Variants in ETS2 observed in about 807,000 individuals in gnomAD.
ETS2 encodes protein C-ets-2.
In ETS2, 19 loss-of-function variants were observed where a neutral mutation model predicts 54.9. The observed-to-expected ratio is 0.35, with a 90% CI of 0.24 to 0.51. ETS2 has a LOEUF of 0.51. ETS2 is among the 20% of genes least tolerant of loss of function. The probability of loss-of-function intolerance (pLI) is 0.97; values close to 1 mark genes in which losing one functional copy is unlikely to be tolerated. For synonymous variants in ETS2, 219 were observed against 229.3 expected (o/e 0.95, Z 0.41); for missense variants, 417 against 593.0 (o/e 0.70, Z 3.08).
intron 1 of ETS2, chr21:38,809,655 C>A: frequency 4.9e-6 from 1 of 205,860 alleles, no homozygotes; most frequent in Non-Finnish European, 9.7e-6. Context: ...CCCACTGTAC[C>A]CACCCAAGCA....
rs139909964 is a variant in ETS2 at position 38,813,003 on chromosome 21, C to A, written c.73C>A (p.Arg25Ser). ...VANSYRGTLK[R>S]QPAFDTFDGS... ...ATTTTTTTTCCATCTGTTTTTGCAGCGCCAGCCAGCCTTTGACACCTTTGA... is the reference window on the plus strand; with the variant it reads ...ATTTTTTTTCCATCTGTTTTTGCAGAGCCAGCCAGCCTTTGACACCTTTGA... The change falls in exon 3 of 10, where the codon CGC becomes AGC. Residue 25 changes from arginine (R) to serine (S), a missense_variant and splice_region_variant. Transcript: ENST00000360938. The A allele has an allele frequency of 6.2e-7, 1 of 1,609,030 alleles. No individual in the cohort carries two copies.
In ETS2 at chr21:38,822,730, G is replaced by A. The variant is rs780343210; in HGVS notation, c.1251G>A (p.Leu417=). The A allele has an allele frequency of 1.9e-6, 3 of 1,614,200 alleles. No homozygotes were observed. In the Admixed American group the frequency reaches 5.0e-5, roughly 27 times the overall value. ...KNKPKMNYEK[L]SRGLRYYYDK... ...AGCCCAAGATGAACTACGAGAAGCT[G>A]AGCCGGGGCTTACGCTACTATTACG... is the stretch of plus-strand genomic sequence containing the variant. Residue 417 remains leucine (L), a synonymous_variant, in exon 10 of 10, where the codon CTG becomes CTA. Transcript: ENST00000360938.
chr21:38,808,815 C>G (rs1282223262), intron 1 of ETS2, among the ~76,000 whole-genome samples: 1 of 152,160 alleles, frequency 6.6e-6, no homozygotes, highest in Admixed American at 6.5e-5. Flanking sequence ...GTAAGAGCAC[C>G]CAGTGGAGGC....
intron 2 of ETS2, among the ~76,000 whole-genome samples, chr21:38,810,437 G>A (rs886822808): frequency 2.0e-5 from 3 of 152,168 alleles, no homozygotes. Context: ...TGTCTACCCA[G>A]GAGTTTCCTT....
At position 38,806,134 on chromosome 21, in the gene ETS2, CCGCAGAGAGCGCCCGGCG is replaced by C. The variant is rs1487873927; in HGVS notation, c.-1+18_-1+35del. The C allele has an allele frequency of 3.9e-6, 4 of 1,013,664 alleles. No individual in the cohort carries two copies. The African/African-American group carries it at 5.3e-5, about 13-fold the overall frequency. The allele number at this position is 1,013,664 out of a possible 1,614,324, so 62.8% of individuals were successfully genotyped here. On this transcript the variant is annotated intron_variant, in intron 1 of 9. Transcript: ENST00000360938. This position sits in a 1 kb window ranked among gnomAD's most constrained non-coding sequence, Gnocchi z 4.3. ...CGCAGCGGCAGGGTAAGAGCTGGGC[CCGCAGAGAGCGCCCGGCG>C]CGCGGCTCCAGTCCCATGGAGGGTC...
chr21:38,814,787 G>A lies in ETS2; in HGVS notation c.311G>A (p.Trp104Ter). The A allele has an allele frequency of 6.2e-7, 1 of 1,613,996 alleles. No individual in the cohort carries two copies. Residue 104 changes from tryptophan to a stop codon, truncating the protein, a stop_gained, in exon 5 of 10, where the codon TGG becomes TAG. Coordinates refer to ENST00000360938, the MANE Select transcript of ETS2 (RefSeq NM_005239.6). LOFTEE classifies it high-confidence loss of function. The surrounding 1 kb of genome is among the most constrained non-coding windows in gnomAD (Gnocchi z 4.2). ...TTTTCTTCTCTCCTGGTAGACCCCT[G>A]GCTGTGGAGTGAGCAACAGGTATGC... is the stretch of plus-strand genomic sequence containing the variant. Reference protein sequence around the residue: ...QRRLGIPKNPWLWSEQQVCQW... With the variant: ...QRRLGIPKNP
At chr21:38,807,488 G>A (rs1490900325) in intron 1 of ETS2, among the ~76,000 whole-genome samples, 1 of 148,450 alleles carries the variant, frequency 6.7e-6, no homozygotes, top group East Asian at 2.0e-4. Context: ...TGATTTATGT[G>A]GAAAAACTTG....
At position 38,814,137 on chromosome 21, in the gene ETS2, T is replaced by C; in HGVS notation, c.185-136T>C. ...GTCAGAAAAGTTTTTTGTTAATAGT[T>C]ACACTGTTTTAAGGAATCATGCCAA... On this transcript the variant is annotated intron_variant, in intron 3 of 9. Transcript: ENST00000360938. This position sits in a 1 kb window ranked among gnomAD's most constrained non-coding sequence, Gnocchi z 4.2. 1.2e-6 allele frequency: 1 copy of C among 823,590 alleles called. No individual in the cohort carries two copies. Among genetic ancestry groups the C allele is most frequent in the Admixed American group, 2.4e-5 (1 of 41,106 alleles). The allele number at this position is 823,590 out of a possible 1,614,324, so 51.0% of individuals were successfully genotyped here.
At chr21:38,805,861 C>CCCTCCTT, upstream of ETS2, 3 of 1,170,112 alleles carry the variant, frequency 2.6e-6, no homozygotes, top group South Asian at 1.5e-5. This position sits in a 1 kb window ranked among gnomAD's most constrained non-coding sequence, Gnocchi z 5.2. Flanking sequence ...ACTCGGCCGT[C>CCCTCCTT]CCTCCTTCCT....
chr21:38,806,088 C>A lies in ETS2; in HGVS notation c.-33C>A. On this transcript the variant is annotated 5_prime_UTR_variant, in exon 1 of 10. Transcript: ENST00000360938. This position sits in a 1 kb window ranked among gnomAD's most constrained non-coding sequence, Gnocchi z 4.3. ...CGCGGGCGCCGAGCAGCCACCGTCCCGACCAAGCGCCGGCCCTGCCCGCAG... is the reference window on the plus strand; with the variant it reads ...CGCGGGCGCCGAGCAGCCACCGTCCAGACCAAGCGCCGGCCCTGCCCGCAG... 2.7e-6 allele frequency: 3 copies of A among 1,094,482 alleles called. No homozygotes were observed. Among genetic ancestry groups the A allele is most frequent in the Non-Finnish European group, 3.3e-6 (3 of 896,686 alleles). The allele number at this position is 1,094,482 out of a possible 1,614,324, so 67.8% of individuals were successfully genotyped here. A position where few individuals can be genotyped will look rare whatever the true frequency, so the allele number is the denominator to read the frequency against.
chr21:38,823,061 C>G lies in ETS2; in HGVS notation c.*172C>G. The G allele has an allele frequency of 4.2e-6, 2 of 473,658 alleles. No homozygotes were observed. The highest frequency in any genetic ancestry group is 7.3e-6 in the Non-Finnish European group (2 of 274,516). 29.3% of individuals were successfully genotyped at this position (473,658 alleles called of 1,614,324 possible). A position where few individuals can be genotyped will look rare whatever the true frequency, so the allele number is the denominator to read the frequency against. On this transcript the variant is annotated 3_prime_UTR_variant, in exon 10 of 10. Coordinates refer to ENST00000360938, the MANE Select transcript of ETS2 (RefSeq NM_005239.6). The stretch of plus-strand genomic sequence containing the variant: ...ACCACGCCTCTTGACCAGGCTGCCT[C>G]CCTTGTGGCAGCAACGGCACAGCTA...
At chr21:38,810,912 A>G (rs1569021730) in intron 2 of ETS2, among the ~76,000 whole-genome samples, 2 of 152,150 alleles carry the variant, frequency 1.3e-5, no homozygotes, top group Non-Finnish European at 1.5e-5. Flanking sequence ...AAGAGGCAAA[A>G]CTCAGCACAG....
Position 38,819,571 on chromosome 21 carries a change from C to T in ETS2, c.880C>T (p.Gln294Ter). 6.2e-7 allele frequency: 1 copy of T among 1,614,214 alleles called. No homozygotes were observed. Reference protein sequence around the residue: ...DSFESSDSLLQSWNSQSSLLD... With the variant: ...DSFESSDSLL Reference sequence around the variant, plus strand: ...CTTCGAGAGCTCAGACTCCCTCCTCCAGTCCTGGAACAGCCAGTCGTCCTT... The same window carrying T: ...CTTCGAGAGCTCAGACTCCCTCCTCTAGTCCTGGAACAGCCAGTCGTCCTT... The change falls in exon 8 of 10, where the codon CAG (glutamine) becomes TAG (stop). Residue 294 changes from glutamine to a stop codon, truncating the protein, a stop_gained. Transcript: ENST00000360938. LOFTEE classifies it high-confidence loss of function.
chr21:38,822,178 C>G (rs556592687), intron 9 of ETS2, among the ~76,000 whole-genome samples: 5 of 152,312 alleles, frequency 3.3e-5, no homozygotes, highest in African/African-American at 9.6e-5. Flanking sequence ...CCAACCCCGC[C>G]AGAAAAGCGT....
At chr21:38,816,627 C>CG (rs36015447) in intron 5 of ETS2, among the ~76,000 whole-genome samples, 1 of 152,156 alleles carries the variant, frequency 6.6e-6, no homozygotes, top group Non-Finnish European at 1.5e-5. Flanking sequence ...GTAAGCTTCA[C>CG]GGGGGCAGAC....
At position 38,824,801 on chromosome 21, in the gene ETS2, A is replaced by G. The variant is rs2060972713; in HGVS notation, c.*1912A>G. 1 of 152,646 alleles carries G rather than the reference A, an allele frequency of 6.6e-6. No homozygotes were observed. The allele number at this position is 152,646 out of a possible 1,614,324, so 9.5% of individuals were successfully genotyped here. On this transcript the variant is annotated 3_prime_UTR_variant, in exon 10 of 10. Coordinates refer to ENST00000360938, the MANE Select transcript of ETS2 (RefSeq NM_005239.6). ...AATTGCCAATATTAGGCTGGCTTTT[A>G]TCTACAAAGAAGGAGTTTCATGGGG...
At chr21:38,817,844 C>G (rs2060941502) in intron 6 of ETS2, among the ~76,000 whole-genome samples, 1 of 152,238 alleles carries the variant, frequency 6.6e-6, no homozygotes, top group Non-Finnish European at 1.5e-5. Flanking sequence ...GCCCACCTCT[C>G]TGCCCCACTG....
intron 7 of ETS2, 119 bp from the exon 8 acceptor site, chr21:38,819,384 A>G (rs2060947969): frequency 1.2e-6 from 1 of 843,692 alleles, no homozygotes; most frequent in Admixed American, 2.1e-5. Context: ...GAGAAGTCTG[A>G]GTGGTTCTAC....
At chr21:38,815,031 G>A (rs1339358835) in intron 5 of ETS2, 50 bp downstream of exon 5, 1 of 1,578,072 alleles carries the variant, frequency 6.3e-7, no homozygotes, top group Non-Finnish European at 8.7e-7. Flanking sequence ...GCTGTGGCCG[G>A]GAAGACTGAT....
Sources: allele counts gnomAD v4.1 joint callset (sites outside exome capture counted in the v4.1 genomes callset), GRCh38; gene constraint gnomAD v4.1.1; non-coding constraint Gnocchi (gnomAD v3.1); transcripts MANE v1.5; gene names NCBI Gene and HGNC (gene_info 2026-07-23, HGNC 2026-07-21).